Variants in KRT12 observed in about 807,000 individuals in gnomAD.
The protein encoded by KRT12 is keratin, type I cytoskeletal 12.
A neutral mutation model predicts 50.2 loss-of-function variants in KRT12; 43 were observed. The ratio of observed to expected loss-of-function variants is 0.86; its 90% CI spans 0.67 to 1.11. The LOEUF (loss-of-function observed/expected upper bound fraction) is 1.11, where lower values mean the gene tolerates loss of function less well. Ranked by LOEUF, KRT12 falls within the 50% of genes least tolerant of loss-of-function variation. The probability of loss-of-function intolerance (pLI) is 0.00; values close to 1 mark genes in which losing one functional copy is unlikely to be tolerated. For missense variants in KRT12, 588 were observed against 625.6 expected, an observed-to-expected ratio of 0.94 and a Z score of 0.64; for synonymous variants, 257 against 253.6, an observed-to-expected ratio of 1.01 and a Z score of -0.13.
rs780492454 is a variant in KRT12 at position 40,861,433 on chromosome 17, T to C, written c.*228A>G. ...AGACTACTCCAGGTCCAGAAGGATATAAGGTAATTTTGATTTGTTACAAAG... is the reference window on the plus strand; with the variant it reads ...AGACTACTCCAGGTCCAGAAGGATACAAGGTAATTTTGATTTGTTACAAAG... On this transcript the variant is annotated 3_prime_UTR_variant, in exon 8 of 8. Transcript: ENST00000251643. The C allele has an allele frequency of 5.6e-5, 32 of 574,176 alleles. No homozygotes were observed. The highest frequency in any genetic ancestry group is 9.0e-5 in the Admixed American group (3 of 33,154). The allele number at this position is 574,176 out of a possible 1,614,324, so 35.6% of individuals were successfully genotyped here.
In KRT12 at chr17:40,861,630, G is replaced by A; in HGVS notation, c.*31C>T. The A allele has an allele frequency of 7.5e-7, 1 of 1,339,840 alleles. No individual in the cohort carries two copies. The highest frequency in any genetic ancestry group is 2.3e-5 in the East Asian group (1 of 43,594). 83.0% of individuals were successfully genotyped at this position (1,339,840 alleles called of 1,614,324 possible). On this transcript the variant is annotated 3_prime_UTR_variant, in exon 8 of 8. Transcript: ENST00000251643. Reference sequence around the variant, plus strand: ...TACTTGTAAATTTCTTGTTCCTAAGGAACCAATCATGGGGCAGATCTTGTG... The same window carrying A: ...TACTTGTAAATTTCTTGTTCCTAAGAAACCAATCATGGGGCAGATCTTGTG...
chr17:40,866,042 CA>C, intron 2 of KRT12, 112 bp downstream of exon 2: 2 of 800,134 alleles, frequency 2.5e-6, no homozygotes, highest in Non-Finnish European at 4.4e-6. Context: ...TTTACCAAAA[CA>C]GTAAATATAT....
Position 40,864,960 on chromosome 17 carries a change from T to C in KRT12, c.653A>G (p.Tyr218Cys). The C allele has an allele frequency of 6.2e-7, 1 of 1,614,246 alleles. No homozygotes were observed. The highest frequency in any genetic ancestry group is 8.5e-7 in the Non-Finnish European group (1 of 1,180,034). ...CTGGCGCAGGGCCAGTTCATTCTCA[T>C]ACCTGAAAACCAAGTGCAAAGCAGT... Reference protein sequence around the residue: ...RLAAEDFRMKYENELALRQGV... With the variant: ...RLAAEDFRMKCENELALRQGV... Residue 218 changes from tyrosine (Y) to cysteine (C), a missense_variant and splice_region_variant, in exon 3 of 8, where the codon TAT (tyrosine) becomes TGT (cysteine). Physicochemically the swap from Tyr to Cys is radical, Grantham distance 194 (BLOSUM62 -2). Coordinates refer to ENST00000251643, the MANE Select transcript of KRT12 (RefSeq NM_000223.4).
chr17:40,862,049 A>AT (rs200065773), intron 7 of KRT12, among the ~76,000 whole-genome samples: 1 of 151,616 alleles, frequency 6.6e-6, no homozygotes, highest in Non-Finnish European at 1.5e-5. Flanking sequence ...CTGCTTTGCC[A>AT]TTTTTTTTAT....
chr17:40,862,110 C>T (rs557972190), intron 7 of KRT12, among the ~76,000 whole-genome samples: 3 of 151,496 alleles, frequency 2.0e-5, no homozygotes, highest in Admixed American at 6.6e-5. Flanking sequence ...GCTCTGTTGC[C>T]CAGGTAGGAA....
chr17:40,866,056 A>C, intron 2 of KRT12, 99 bp downstream of exon 2: 1 of 865,416 alleles, frequency 1.2e-6, no homozygotes, highest in Non-Finnish European at 2.0e-6. Flanking sequence ...AAATATATGG[A>C]GTATGTGAAC....
Position 40,863,076 on chromosome 17 carries a change from T to C in KRT12, c.1316+47A>G. The stretch of plus-strand genomic sequence containing the variant: ...CATTCCTTCTATTTCTGCTGCCCAC[T>C]CTTGGTCAGCCCCTGAAGGTGTTTA... On this transcript the variant is annotated intron_variant, in intron 6 of 7. Transcript: ENST00000251643. The surrounding 1 kb of genome is among the most constrained non-coding windows in gnomAD (Gnocchi z 4.2). The C allele has an allele frequency of 1.3e-6, 2 of 1,523,110 alleles. No homozygotes were observed. Among genetic ancestry groups the C allele is most frequent in the South Asian group, 2.2e-5 (2 of 89,196 alleles). 94.3% of individuals were successfully genotyped at this position (1,523,110 alleles called of 1,614,324 possible).
Position 40,867,076 on chromosome 17 carries a change from A to G in KRT12, c.111T>C (p.Ser37=). The G allele has an allele frequency of 6.2e-7, 1 of 1,613,398 alleles. No homozygotes were observed. Among genetic ancestry groups the G allele is most frequent in the East Asian group, 2.2e-5 (1 of 44,866 alleles). Residue 37 remains serine (S), a synonymous_variant, in exon 1 of 8, where the codon AGT becomes AGC. Coordinates refer to ENST00000251643, the MANE Select transcript of KRT12 (RefSeq NM_000223.4). ...IGRPRGMSAS[S]VGSGYGGSAF... is the part of the protein sequence containing the mutation. ...CACTTCCCCCATAACCACTTCCAAC[A>G]CTGGAAGCAGACATGCCCCTGGGTC...
Position 40,864,833 on chromosome 17 carries a change from C to T in KRT12, c.780G>A (p.Leu260=), listed in dbSNP as rs1906954273. The part of the protein sequence containing the change: ...EMQIESLNEE[L]AYMKKNHEDE... ...CCTCGTGGTTCTTCTTCATGTAGGC[C>T]AGCTCCTCGTTCAGGCTCTCGATCT... Residue 260 remains leucine (L), a synonymous_variant, in exon 3 of 8, where the codon CTG becomes CTA. Transcript: ENST00000251643. 1 of 1,614,082 alleles carries T rather than the reference C, an allele frequency of 6.2e-7. No individual in the cohort carries two copies. Among genetic ancestry groups the T allele is most frequent in the South Asian group, 1.1e-5 (1 of 91,094 alleles).
At position 40,865,814 on chromosome 17, in the gene KRT12, C is replaced by T. The variant is rs141703300; in HGVS notation, c.650+341G>A. ...CTGCACTCCAGCCTGGGTGACAGAG[C>T]GAGACTCCATCTCAAAAACAAAAAA... On this transcript the variant is annotated intron_variant, in intron 2 of 7. Coordinates refer to ENST00000251643, the MANE Select transcript of KRT12 (RefSeq NM_000223.4). 4.6e-3 allele frequency among the ~76,000 whole-genome samples: 696 copies of T among 151,818 alleles called. 5 individuals are homozygous for T. The highest frequency in any genetic ancestry group is 0.016 in the African/African-American group (660 of 41,390).
Position 40,861,646 on chromosome 17 carries a change from A to G in KRT12, c.*15T>C. On this transcript the variant is annotated 3_prime_UTR_variant, in exon 8 of 8. Coordinates refer to ENST00000251643, the MANE Select transcript of KRT12 (RefSeq NM_000223.4). ...GTTCCTAAGGAACCAATCATGGGGC[A>G]GATCTTGTGAAATTTTACATTAGTT... is the stretch of plus-strand genomic sequence containing the variant. 2 of 1,494,598 alleles carry G rather than the reference A, an allele frequency of 1.3e-6. No homozygotes were observed. The highest frequency in any genetic ancestry group is 1.1e-5 in the South Asian group (1 of 88,634). The allele number at this position is 1,494,598 out of a possible 1,614,324, so 92.6% of individuals were successfully genotyped here.
chr17:40,861,717 T>A lies in KRT12; in HGVS notation c.1429A>T (p.Met477Leu). 1 of 1,613,966 alleles carries A rather than the reference T, an allele frequency of 6.2e-7. No individual in the cohort carries two copies. The highest frequency in any genetic ancestry group is 8.5e-7 in the Non-Finnish European group (1 of 1,179,876). The change falls in exon 8 of 8, where the codon ATG (methionine) becomes TTG (leucine). Residue 477 changes from methionine to leucine, a missense_variant. Coordinates refer to ENST00000251643, the MANE Select transcript of KRT12 (RefSeq NM_000223.4). ...TRKIKTVVQE[M>L]VNGEVVSSQV... is the part of the protein sequence containing the mutation. Reference sequence around the variant, plus strand: ...GATGAGACCACCTCACCATTCACCATCTCCTGCACAACTGTCTTGATTTTT... The same window carrying A: ...GATGAGACCACCTCACCATTCACCAACTCCTGCACAACTGTCTTGATTTTT...
Position 40,863,066 on chromosome 17 carries a change from T to C in KRT12, c.1316+57A>G. On this transcript the variant is annotated intron_variant, in intron 6 of 7. Transcript: ENST00000251643. This position sits in a 1 kb window ranked among gnomAD's most constrained non-coding sequence, Gnocchi z 4.2. ...ACTAAAACCCCATTCCTTCTATTTC[T>C]GCTGCCCACTCTTGGTCAGCCCCTG... is the stretch of plus-strand genomic sequence containing the variant. 1 of 1,430,738 alleles carries C rather than the reference T, an allele frequency of 7.0e-7. No individual in the cohort carries two copies. Among genetic ancestry groups the C allele is most frequent in the Non-Finnish European group, 9.9e-7 (1 of 1,013,536 alleles). The allele number at this position is 1,430,738 out of a possible 1,614,324, so 88.6% of individuals were successfully genotyped here. A position where few individuals can be genotyped will look rare whatever the true frequency, so the allele number is the denominator to read the frequency against.
Position 40,863,861 on chromosome 17 carries a change from G to A in KRT12, c.811C>T (p.Leu271Phe), listed in dbSNP as rs769705790. 3 of 1,602,012 alleles carry A rather than the reference G, an allele frequency of 1.9e-6. No individual in the cohort carries two copies. Among genetic ancestry groups the A allele is most frequent in the South Asian group, 2.2e-5 (2 of 90,340 alleles). The change falls in exon 4 of 8, where the codon CTC becomes TTC. Residue 271 changes from leucine to phenylalanine, a missense_variant. Transcript: ENST00000251643. The surrounding 1 kb of genome is among the most constrained non-coding windows in gnomAD (Gnocchi z 4.2). Reference sequence around the variant, plus strand: ...GGGCCGCCCACCCGGAAGCTTTGGAGCTCCTGGGGACAGCATGTGAGAGAG... The same window carrying A: ...GGGCCGCCCACCCGGAAGCTTTGGAACTCCTGGGGACAGCATGTGAGAGAG... ...AYMKKNHEDE[L>F]QSFRVGGPGE...
At position 40,863,953 on chromosome 17, in the gene KRT12, TACACACACACACACACAC is replaced by T. The variant is rs71155107; in HGVS notation, c.808-107_808-90del. The T allele has an allele frequency of 9.7e-6, 5 of 513,698 alleles. No homozygotes were observed. Among genetic ancestry groups the T allele is most frequent in the Non-Finnish European group, 1.7e-5 (5 of 297,802 alleles). 31.8% of individuals were successfully genotyped at this position (513,698 alleles called of 1,614,324 possible). ...ACTTTTGTCCTCTTGGGCCCCTTCC[TACACACACACACACACAC>T]ACACACACACACACACACACTTAAA... On this transcript the variant is annotated intron_variant, in intron 3 of 7. Transcript: ENST00000251643. The surrounding 1 kb of genome is among the most constrained non-coding windows in gnomAD (Gnocchi z 4.2).
chr17:40,867,128 C>T lies in KRT12; in HGVS notation c.59G>A (p.Arg20Gln), dbSNP rs766699655. The T allele has an allele frequency of 9.9e-6, 16 of 1,613,006 alleles. No individual in the cohort carries two copies. The East Asian group carries it at 3.1e-4, about 31-fold the overall frequency. Residue 20 changes from arginine to glutamine, a missense_variant, in exon 1 of 8, where the codon CGG (arginine) becomes CAG (glutamine). Coordinates refer to ENST00000251643, the MANE Select transcript of KRT12 (RefSeq NM_000223.4). ...LSVRTPGLSR[R>Q]LSSQSVIGRP... ...GCCTATCACACTCTGCGAGGAGAGC[C>T]GCCGGGACAGTCCGGGGGTGCGCAC...
chr17:40,866,084 C>A, intron 2 of KRT12, 71 bp downstream of exon 2: 1 of 1,163,504 alleles, frequency 8.6e-7, no homozygotes, highest in Non-Finnish European at 1.3e-6. Flanking sequence ...GATTTTATAT[C>A]AATGAAGGCA....
Position 40,862,643 on chromosome 17 carries a change from A to C in KRT12, c.1317-8T>G. On this transcript the variant is annotated splice_polypyrimidine_tract_variant and splice_region_variant and intron_variant, in intron 6 of 7. Coordinates refer to ENST00000251643, the MANE Select transcript of KRT12 (RefSeq NM_000223.4). ...CTTTCCTCCAAACCATCACTGTAAG[A>C]AAACAAAGGAGATGACCTCAAAAAG... is the stretch of plus-strand genomic sequence containing the variant. The C allele has an allele frequency of 1.9e-6, 3 of 1,606,064 alleles. No individual in the cohort carries two copies. The highest frequency in any genetic ancestry group is 2.6e-6 in the Non-Finnish European group (3 of 1,172,668).
At position 40,862,639 on chromosome 17, in the gene KRT12, TAAGAA is replaced by T; in HGVS notation, c.1317-9_1317-5del. 1 of 1,608,982 alleles carries T rather than the reference TAAGAA, an allele frequency of 6.2e-7. No individual in the cohort carries two copies. Among genetic ancestry groups the T allele is most frequent in the Non-Finnish European group, 8.5e-7 (1 of 1,175,338 alleles). On this transcript the variant is annotated splice_polypyrimidine_tract_variant and splice_region_variant and intron_variant, in intron 6 of 7. Transcript: ENST00000251643. ...TAAACTTTCCTCCAAACCATCACTGTAAGAAAACAAAGGAGATGACCTCAAAAAGT... is the reference window on the plus strand; with the variant it reads ...TAAACTTTCCTCCAAACCATCACTGTAACAAAGGAGATGACCTCAAAAAGT...
Sources: gnomAD v4.1 joint callset for allele counts (sites outside exome capture counted in the v4.1 genomes callset) on GRCh38, gnomAD v4.1.1 for gene constraint, Gnocchi (gnomAD v3.1) non-coding constraint, MANE v1.5 for transcripts, NCBI Gene and HGNC (gene_info 2026-07-23, HGNC 2026-07-21) for gene names.